SLC44A1: variants seen among roughly 807,000 people sequenced by gnomAD.
SLC44A1 encodes choline transporter-like protein 1.
A neutral mutation model predicts 79.3 loss-of-function variants in SLC44A1; 26 were observed. That is an observed-to-expected ratio of 0.33 (90% CI 0.24 to 0.46). The LOEUF (loss-of-function observed/expected upper bound fraction) is 0.46. SLC44A1 is among the 20% of genes least tolerant of loss of function. The pLI is 1.00. For synonymous variants in SLC44A1, 263 were observed against 286.2 expected, an observed-to-expected ratio of 0.92 and a Z score of 0.82; for missense variants, 688 against 798.1, an observed-to-expected ratio of 0.86 and a Z score of 1.66.
rs1179003547 is a variant in SLC44A1, at chr9:105,391,672, A to G, written c.*2616A>G. ...TTGGATATTCCTGCTGCCTCTTTTCATTCATTTCAAGTCATTCTTCAGCTA... is the reference window on the plus strand; with the variant it reads ...TTGGATATTCCTGCTGCCTCTTTTCGTTCATTTCAAGTCATTCTTCAGCTA... On this transcript the variant is annotated 3_prime_UTR_variant, in exon 16 of 16. Coordinates refer to ENST00000374720, the MANE Select transcript of SLC44A1 (RefSeq NM_080546.5). The G allele has an allele frequency of 6.1e-6, 6 of 985,348 alleles. No homozygotes were observed. The highest frequency in any genetic ancestry group is 7.2e-6 in the Non-Finnish European group (6 of 829,900). The allele number at this position is 985,348 out of a possible 1,614,324, so 61.0% of individuals were successfully genotyped here. A position where few individuals can be genotyped will look rare whatever the true frequency, so the allele number is the denominator to read the frequency against.
At chr9:105,371,361 G>A (rs13297922) in intron 12 of SLC44A1, among the ~76,000 whole-genome samples, 5,841 of 152,284 alleles carry the variant, frequency 0.038, 154 homozygotes, top group Middle Eastern at 0.071. Flanking sequence ...TTCCATCACC[G>A]TAGCATGAAA....
Position 105,389,411 on chromosome 9 carries a change from G to C in SLC44A1, c.*355G>C, listed in dbSNP as rs756153781. Reference sequence around the variant, plus strand: ...AGATTTTAACTTTATTTAAAAATAGGTAAAATTATTGTACCTAATTATGTC... The same window carrying C: ...AGATTTTAACTTTATTTAAAAATAGCTAAAATTATTGTACCTAATTATGTC... On this transcript the variant is annotated 3_prime_UTR_variant, in exon 16 of 16. Coordinates refer to ENST00000374720, the MANE Select transcript of SLC44A1 (RefSeq NM_080546.5). The C allele has an allele frequency of 6.7e-6, 7 of 1,039,350 alleles. No homozygotes were observed. The Admixed American group carries it at 3.7e-4, about 54-fold the overall frequency. 64.4% of individuals were successfully genotyped at this position (1,039,350 alleles called of 1,614,324 possible). A position where few individuals can be genotyped will look rare whatever the true frequency, so the allele number is the denominator to read the frequency against.
In SLC44A1 at chr9:105,385,521, G is replaced by A. The variant is rs1453552325; in HGVS notation, c.1950+19G>A. The A allele has an allele frequency of 1.3e-6, 2 of 1,561,576 alleles. No individual in the cohort carries two copies. The highest frequency in any genetic ancestry group is 1.4e-5 in the African/African-American group (1 of 73,954). On this transcript the variant is annotated intron_variant, in intron 15 of 15. Coordinates refer to ENST00000374720, the MANE Select transcript of SLC44A1 (RefSeq NM_080546.5). Reference sequence around the variant, plus strand: ...GCCGATGGTAGGTGGAGATGAGGAGGTGGCCGCCCTCCAAGAATTTCACTT... The same window carrying A: ...GCCGATGGTAGGTGGAGATGAGGAGATGGCCGCCCTCCAAGAATTTCACTT...
Position 105,335,753 on chromosome 9 carries a change from A to T in SLC44A1, c.406+54A>T, listed in dbSNP as rs1826897072. ...TCCTGTCACCTTGTTCTCTTTGTTA[A>T]ATATAAATTTGCCCTAGTGTTAAAT... On this transcript the variant is annotated intron_variant, in intron 4 of 15. Coordinates refer to ENST00000374720, the MANE Select transcript of SLC44A1 (RefSeq NM_080546.5). 6 of 1,540,724 alleles carry T rather than the reference A, an allele frequency of 3.9e-6. No homozygotes were observed. In the Admixed American group the frequency reaches 1.1e-4, roughly 29 times the overall value.
At chr9:105,337,994 C>T (rs186301441) in intron 4 of SLC44A1, among the ~76,000 whole-genome samples, 2 of 152,320 alleles carry the variant, frequency 1.3e-5, no homozygotes, top group East Asian at 3.9e-4. Flanking sequence ...AATGAATAAA[C>T]ATTATTTCAG....
intron 15 of SLC44A1, among the ~76,000 whole-genome samples, chr9:105,413,850 A>G (rs1829130572): frequency 6.6e-6 from 1 of 152,184 alleles, no homozygotes; most frequent in African/African-American, 2.4e-5. Flanking sequence ...CCCCCTGACT[A>G]CGAAGGAATG....
Position 105,348,387 on chromosome 9 carries a change from C to T in SLC44A1, c.436C>T (p.Pro146Ser), listed in dbSNP as rs74511615. 4.4e-4 allele frequency: 708 copies of T among 1,611,022 alleles called. No homozygotes were observed. The highest frequency in any genetic ancestry group is 5.0e-4 in the Non-Finnish European group (588 of 1,177,568). Residue 146 changes from proline to serine, a missense_variant, in exon 5 of 16, where the codon CCT (proline) becomes TCT (serine). By Grantham distance (74) the Pro-to-Ser change is moderately conservative. Coordinates refer to ENST00000374720, the MANE Select transcript of SLC44A1 (RefSeq NM_080546.5). ...AGCCCTATGTAGCTACAACCTAAAGCCTTCTGAATACACTACATCTCCAAA... is the reference window on the plus strand; with the variant it reads ...AGCCCTATGTAGCTACAACCTAAAGTCTTCTGAATACACTACATCTCCAAA... The part of the protein sequence containing the change: ...GSALCSYNLK[P>S]SEYTTSPKSS...
intron 4 of SLC44A1, among the ~76,000 whole-genome samples, chr9:105,336,122 GTGTGTGTGTGCA>G (rs1260044678): frequency 6.8e-6 from 1 of 147,578 alleles, no homozygotes; most frequent in Non-Finnish European, 1.5e-5. Flanking sequence ...ATACATATGT[GTGTGTGTGTGCA>G]TGTGTGTGTG....
At chr9:105,366,860 T>G (rs1290951586) in intron 12 of SLC44A1, among the ~76,000 whole-genome samples, 2 of 152,194 alleles carry the variant, frequency 1.3e-5, no homozygotes, top group African/African-American at 4.8e-5. Context: ...AAAACTTCAG[T>G]GTAAAGCTGT....
Position 105,426,254 on chromosome 9 carries a change from C to T in SLC44A1, c.1951-12027C>T, listed in dbSNP as rs1017288374. On this transcript the variant is annotated intron_variant, in intron 15 of 15. Coordinates refer to the SLC44A1 transcript ENST00000374724. The stretch of plus-strand genomic sequence containing the variant: ...TGGCAATGGCATAGTTGTGAAGCAA[C>T]ACTGGAGAATGTCCTGGGGTTACTC... Among the ~76,000 whole-genome samples, 3 of 152,180 alleles carry T rather than the reference C, an allele frequency of 2.0e-5. No individual in the cohort carries two copies. In the East Asian group the frequency reaches 5.8e-4, roughly 29 times the overall value.
At chr9:105,246,501 AGAGGTGTTAGGAAGG>A (rs1829455671) in intron 1 of SLC44A1, among the ~76,000 whole-genome samples, 1 of 151,798 alleles carries the variant, frequency 6.6e-6, no homozygotes, top group South Asian at 2.1e-4. Context: ...AACTATACGT[AGAGGTGTTAGGAAGG>A]AGAGGCTTGG....
intron 8 of SLC44A1, 65 bp from the exon 9 acceptor site, chr9:105,362,756 T>G: frequency 7.9e-7 from 1 of 1,269,880 alleles, no homozygotes. Context: ...GTTAAAAATT[T>G]CTACTATTTT....
At chr9:105,416,476 G>A (rs1182761243) in intron 15 of SLC44A1, among the ~76,000 whole-genome samples, 34 of 152,004 alleles carry the variant, frequency 2.2e-4, no homozygotes, top group Admixed American at 2.2e-3. Context: ...GGGGGTGGGG[G>A]CAACAATTCA....
intron 15 of SLC44A1, among the ~76,000 whole-genome samples, chr9:105,435,017 C>T (rs1269632757): frequency 2.0e-5 from 3 of 152,018 alleles, no homozygotes; most frequent in African/African-American, 4.8e-5. Context: ...TGTGGTGGCA[C>T]GGGCCTGTAG....
intron 1 of SLC44A1, among the ~76,000 whole-genome samples, chr9:105,252,094 C>T (rs1829602015): frequency 6.6e-6 from 1 of 152,058 alleles, no homozygotes; most frequent in Non-Finnish European, 1.5e-5. Context: ...TAATTTCATT[C>T]ACAAGGTTTT....
At chr9:105,279,112 T>C (rs1830284372) in intron 1 of SLC44A1, among the ~76,000 whole-genome samples, 1 of 149,582 alleles carries the variant, frequency 6.7e-6, no homozygotes, top group African/African-American at 2.5e-5. Flanking sequence ...CAGTTTAAAA[T>C]AGGTATTCCC....
Position 105,392,316 on chromosome 9 carries a change from T to C in SLC44A1, c.*3260T>C, listed in dbSNP as rs1588863813. On this transcript the variant is annotated 3_prime_UTR_variant, in exon 16 of 16. Coordinates refer to ENST00000374720, the MANE Select transcript of SLC44A1 (RefSeq NM_080546.5). ...GTTGGTACCCAAACTTTTTCTATAA[T>C]GGTTAAGGAGGAGGCACTTACTGAG... 1.0e-6 allele frequency: 1 copy of C among 984,880 alleles called. No homozygotes were observed. Among genetic ancestry groups the C allele is most frequent in the Non-Finnish European group, 1.2e-6 (1 of 829,588 alleles). The allele number at this position is 984,880 out of a possible 1,614,324, so 61.0% of individuals were successfully genotyped here.
At chr9:105,386,219 T>C in intron 15 of SLC44A1, 1 of 983,848 alleles carries the variant, frequency 1.0e-6, no homozygotes, top group Non-Finnish European at 1.2e-6. Context: ...TTAATGAGTG[T>C]AAGAGAACCT....
At chr9:105,372,690 C>T (rs186005939) in intron 12 of SLC44A1, among the ~76,000 whole-genome samples, 35 of 151,032 alleles carry the variant, frequency 2.3e-4, no homozygotes, top group Admixed American at 1.8e-3. Flanking sequence ...GTGGCTCACG[C>T]CTGTAATCCC....
Sources: gnomAD v4.1 joint callset for allele counts (sites outside exome capture counted in the v4.1 genomes callset) on GRCh38, gnomAD v4.1.1 for gene constraint, MANE v1.5 for transcripts, NCBI Gene and HGNC (gene_info 2026-07-23, HGNC 2026-07-21) for gene names.